The following RBFOX1 variants were observed in gnomAD, a reference collection of about 807,000 sequenced individuals.
RBFOX1 encodes RNA binding fox-1 homolog 1.
RBFOX1 carries 8 observed loss-of-function variants against 57.7 expected under a neutral mutation model. The ratio of observed to expected loss-of-function variants is 0.14; its 90% CI spans 0.08 to 0.25. The LOEUF is 0.25. Ranked by LOEUF, RBFOX1 falls within the 10% of genes least tolerant of loss-of-function variation. RBFOX1 has a pLI of 1.00. For synonymous variants in RBFOX1, 326 were observed against 222.4 expected, an observed-to-expected ratio of 1.47 and a Z score of -4.15; for missense variants, 611 against 548.5, an observed-to-expected ratio of 1.11 and a Z score of -1.14.
intron 3 of RBFOX1, among the ~76,000 whole-genome samples, chr16:5,839,354 G>A (rs1218267056): frequency 6.6e-6 from 1 of 152,022 alleles, no homozygotes; most frequent in African/African-American, 2.4e-5. Context: ...TTTCATTTGG[G>A]ACCCACTTTT....
intron 1 of RBFOX1, among the ~76,000 whole-genome samples, chr16:5,333,583 T>C (rs947703370): frequency 1.4e-4 from 21 of 152,200 alleles, no homozygotes; most frequent in African/African-American, 5.1e-4. Flanking sequence ...CCCGAGCTTC[T>C]CTCCTGGAGG....
At chr16:5,727,001 G>A (rs2052177027) in intron 3 of RBFOX1, among the ~76,000 whole-genome samples, 1 of 152,204 alleles carries the variant, frequency 6.6e-6, no homozygotes, top group Non-Finnish European at 1.5e-5. Flanking sequence ...GCTCATGCCT[G>A]TAATCCCAGC....
At chr16:7,023,564 TAAAAA>T (rs34056673) in intron 3 of RBFOX1, among the ~76,000 whole-genome samples, 74 of 43,926 alleles carry the variant, frequency 1.7e-3, no homozygotes, top group African/African-American at 4.8e-3. Flanking sequence ...TCGTCTGTAC[TAAAAA>T]AAAAAAAAAA....
At chr16:6,768,954 C>G (rs995542739) in intron 3 of RBFOX1, among the ~76,000 whole-genome samples, 1 of 152,074 alleles carries the variant, frequency 6.6e-6, no homozygotes, top group African/African-American at 2.4e-5. Context: ...GTCTCAAACT[C>G]CTGACCTCGT....
chr16:7,547,906 G>A (rs190367209), intron 5 of RBFOX1, among the ~76,000 whole-genome samples: 16 of 152,326 alleles, frequency 1.1e-4, no homozygotes, highest in Non-Finnish European at 1.8e-4. Flanking sequence ...ACCACCAGCC[G>A]TGTTCCCGTT....
At chr16:6,312,032 C>T (rs1324387176) in intron 1 of RBFOX1, among the ~76,000 whole-genome samples, 1 of 152,116 alleles carries the variant, frequency 6.6e-6, no homozygotes, top group Non-Finnish European at 1.5e-5. Flanking sequence ...AATCATAATC[C>T]CTGATGTGAT....
At chr16:6,851,839 G>T (rs773124500) in intron 3 of RBFOX1, among the ~76,000 whole-genome samples, 1 of 152,060 alleles carries the variant, frequency 6.6e-6, no homozygotes, top group Non-Finnish European at 1.5e-5. Context: ...GATGCCCTGT[G>T]TGCTTGCATT....
At chr16:6,986,145 T>C (rs1039773365) in intron 3 of RBFOX1, among the ~76,000 whole-genome samples, 1 of 139,348 alleles carries the variant, frequency 7.2e-6, no homozygotes, top group Non-Finnish European at 1.5e-5. Context: ...ACTTGTACAA[T>C]AACCCTTATA....
chr16:5,944,987 A>AAAAG (rs1555453186), intron 4 of RBFOX1, among the ~76,000 whole-genome samples: 9,329 of 95,498 alleles, frequency 0.098, 1,107 homozygotes, highest in Non-Finnish European at 0.16. Context: ...AAAAAAAAAA[A>AAAAG]AGAGAGAGAG....
chr16:6,741,768 A>G (rs1369998758), intron 3 of RBFOX1, among the ~76,000 whole-genome samples: 1 of 152,172 alleles, frequency 6.6e-6, no homozygotes, highest in East Asian at 1.9e-4. Flanking sequence ...CAAATTTCAT[A>G]TCTAATAAAG....
Position 5,891,581 on chromosome 16 carries a change from A to G in RBFOX1, c.351+24246A>G, listed in dbSNP as rs1316911368. ...TTAATTGGATGGATGAGGTGGCAAA[A>G]ATGGCAGAGGGGTTCCTTCTAGTCT... On this transcript the variant is annotated intron_variant, in intron 4 of 19. Coordinates refer to the RBFOX1 transcript ENST00000641259. 8.8e-4 allele frequency among the ~76,000 whole-genome samples: 134 copies of G among 152,186 alleles called. 1 individual carries two copies. Among genetic ancestry groups the G allele is most frequent in the Non-Finnish European group, 4.4e-5 (3 of 67,990 alleles).
intron 3 of RBFOX1, among the ~76,000 whole-genome samples, chr16:6,885,797 C>T (rs1945420305): frequency 6.6e-6 from 1 of 152,182 alleles, no homozygotes; most frequent in Non-Finnish European, 1.5e-5. Context: ...TCCCAAAATG[C>T]TGGGATTACG....
At chr16:5,960,860 G>A (rs1167462105) in intron 4 of RBFOX1, among the ~76,000 whole-genome samples, 1 of 152,310 alleles carries the variant, frequency 6.6e-6, no homozygotes, top group East Asian at 1.9e-4. Flanking sequence ...GGAACATGAA[G>A]ATCAATGGTG....
At chr16:7,604,178 G>A (rs569850010) in intron 9 of RBFOX1, among the ~76,000 whole-genome samples, 1 of 152,154 alleles carries the variant, frequency 6.6e-6, no homozygotes, top group Non-Finnish European at 1.5e-5. Flanking sequence ...AAAGGGAGAA[G>A]GACTTGCTGA....
chr16:7,310,375 G>A (rs2096280963), intron 4 of RBFOX1, among the ~76,000 whole-genome samples: 1 of 152,166 alleles, frequency 6.6e-6, no homozygotes, highest in Non-Finnish European at 1.5e-5. Flanking sequence ...TAGCCCTGAT[G>A]GATTGATCCC....
At chr16:7,232,981 C>T (rs577278845) in intron 4 of RBFOX1, among the ~76,000 whole-genome samples, 58 of 152,184 alleles carry the variant, frequency 3.8e-4, no homozygotes, top group South Asian at 2.9e-3. Flanking sequence ...CTCTCCACAC[C>T]GGTGATTGTT....
chr16:6,513,668 A>G (rs2096302278), intron 2 of RBFOX1, among the ~76,000 whole-genome samples: 1 of 152,150 alleles, frequency 6.6e-6, no homozygotes, highest in Non-Finnish European at 1.5e-5. Flanking sequence ...TGGGAGGCGG[A>G]GGTTGTAGTG....
chr16:6,885,237 T>G (rs560088717), intron 3 of RBFOX1, among the ~76,000 whole-genome samples: 3 of 152,086 alleles, frequency 2.0e-5, no homozygotes, highest in African/African-American at 7.2e-5. Flanking sequence ...TCAGATGTGG[T>G]CTCCAGTCCA....
At chr16:6,012,254 C>G (rs1298656666) in intron 4 of RBFOX1, among the ~76,000 whole-genome samples, 1 of 152,170 alleles carries the variant, frequency 6.6e-6, no homozygotes, top group Non-Finnish European at 1.5e-5. Context: ...GTTATGAGGA[C>G]TCAATGAGAA....
Sources: gnomAD v4.1 joint callset for allele counts (sites outside exome capture counted in the v4.1 genomes callset) on GRCh38, gnomAD v4.1.1 for gene constraint, MANE v1.5 for transcripts, NCBI Gene and HGNC (gene_info 2026-07-23, HGNC 2026-07-21) for gene names.